Variants in SLCO3A1 observed in about 807,000 individuals in gnomAD.
SLCO3A1 encodes the protein PGE1 transporter.
Under a neutral mutation model 63.1 loss-of-function variants are expected in SLCO3A1, and 27 were observed. The ratio of observed to expected loss-of-function variants is 0.43; its 90% confidence interval spans 0.32 to 0.59. The LOEUF (loss-of-function observed/expected upper bound fraction) is 0.59. Ranked by LOEUF, SLCO3A1 falls within the 20% of genes least tolerant of loss-of-function variation. The pLI is 0.09. For missense variants in SLCO3A1, 773 were observed against 945.8 expected (o/e 0.82, Z 2.40); for synonymous variants, 473 against 409.9 (o/e 1.15, Z -1.86).
Position 92,126,242 on chromosome 15 carries a change from T to C in SLCO3A1, c.1356T>C (p.Thr452=). Residue 452 remains threonine, a synonymous_variant, in exon 6 of 10, where the codon ACT becomes ACC. Coordinates refer to ENST00000318445, the MANE Select transcript of SLCO3A1 (RefSeq NM_013272.4). ...GCDTGPVAGV[T]VPYGNSTAPG... ...ACACTGGCCCTGTGGCTGGGGTTAC[T>C]GTTCCCTATGGAAACAGGTGAGTAC... The C allele has an allele frequency of 3.7e-6, 6 of 1,614,048 alleles. No homozygotes were observed. The highest frequency in any genetic ancestry group is 5.1e-6 in the Non-Finnish European group (6 of 1,179,964).
chr15:92,001,668 T>C (rs546557877), intron 2 of SLCO3A1, among the ~76,000 whole-genome samples: 10 of 152,298 alleles, frequency 6.6e-5, no homozygotes, highest in East Asian at 5.8e-4. Flanking sequence ...ATGTGCTGTT[T>C]ATCAACACAG....
intron 7 of SLCO3A1, among the ~76,000 whole-genome samples, chr15:92,139,702 C>T (rs1263851750): frequency 2.0e-5 from 3 of 152,146 alleles, no homozygotes; most frequent in Admixed American, 6.5e-5. Flanking sequence ...GGTTTAGTCT[C>T]AGGAGAGTGT....
In SLCO3A1 at chr15:92,150,827, CACTATT is replaced by C. The variant is rs2048295391; in HGVS notation, c.1689-121_1689-116del. ...ACACTATTAGTAATTTTAAAAAAGA[CACTATT>C]AGTAATTTTCTAAAGAAGAGCTCTG... is the stretch of plus-strand genomic sequence containing the variant. On this transcript the variant is annotated intron_variant, in intron 8 of 9. Transcript: ENST00000318445. 4 of 566,868 alleles carry C rather than the reference CACTATT, an allele frequency of 7.1e-6. No individual in the cohort carries two copies. In the East Asian group the frequency reaches 1.2e-4, roughly 17 times the overall value. 35.1% of individuals were successfully genotyped at this position (566,868 alleles called of 1,614,324 possible).
At chr15:91,958,350 A>G (rs1900315209) in intron 2 of SLCO3A1, among the ~76,000 whole-genome samples, 1 of 152,124 alleles carries the variant, frequency 6.6e-6, no homozygotes, top group African/African-American at 2.4e-5. Context: ...GTATTCATCT[A>G]CCATGTGTCT....
At chr15:91,990,785 A>G (rs1204817030) in intron 2 of SLCO3A1, among the ~76,000 whole-genome samples, 2 of 152,160 alleles carry the variant, frequency 1.3e-5, no homozygotes, top group Non-Finnish European at 2.9e-5. Flanking sequence ...GCCCCCTGCC[A>G]TCCCCCATTC....
intron 2 of SLCO3A1, among the ~76,000 whole-genome samples, chr15:92,081,711 A>G (rs2047348716): frequency 6.6e-6 from 1 of 152,216 alleles, no homozygotes; most frequent in South Asian, 2.1e-4. Flanking sequence ...CAAGGGCAGC[A>G]AGGGCAGAGG....
In SLCO3A1 at chr15:92,104,173, T is replaced by G. The variant is rs992711610; in HGVS notation, c.746-106T>G. Reference sequence around the variant, plus strand: ...AGCCAGTGTTCCCGACCGCAAGTCATTTCTAGAGCCCTTGCCCTCTCTGTT... The same window carrying G: ...AGCCAGTGTTCCCGACCGCAAGTCAGTTCTAGAGCCCTTGCCCTCTCTGTT... On this transcript the variant is annotated intron_variant, in intron 3 of 9. Coordinates refer to ENST00000318445, the MANE Select transcript of SLCO3A1 (RefSeq NM_013272.4). 3.8e-5 allele frequency: 51 copies of G among 1,337,938 alleles called. No individual in the cohort carries two copies. The East Asian group carries it at 1.2e-3, about 30-fold the overall frequency. 82.9% of individuals were successfully genotyped at this position (1,337,938 alleles called of 1,614,324 possible).
At chr15:92,051,168 A>G (rs553740884) in intron 2 of SLCO3A1, among the ~76,000 whole-genome samples, 4 of 152,376 alleles carry the variant, frequency 2.6e-5, no homozygotes, top group African/African-American at 9.6e-5. Flanking sequence ...GGCATATAGT[A>G]TGCTCAGGGT....
intron 2 of SLCO3A1, among the ~76,000 whole-genome samples, chr15:92,018,637 CAGG>C (rs569113367): frequency 4.3e-4 from 65 of 152,310 alleles, no homozygotes; most frequent in African/African-American, 1.5e-3. Flanking sequence ...TGTGGTAATC[CAGG>C]AGAAGTGAGG....
At chr15:91,969,637 A>G (rs1900786259) in intron 2 of SLCO3A1, among the ~76,000 whole-genome samples, 2 of 152,154 alleles carry the variant, frequency 1.3e-5, no homozygotes, top group African/African-American at 4.8e-5. Flanking sequence ...TCTTTCTATC[A>G]AAAACATTAC....
chr15:91,939,805 G>A (rs957538090), intron 2 of SLCO3A1, among the ~76,000 whole-genome samples: 7 of 152,122 alleles, frequency 4.6e-5, no homozygotes, highest in Admixed American at 3.9e-4. Flanking sequence ...AGCAGCCCCC[G>A]TAGCTCACAG....
intron 2 of SLCO3A1, among the ~76,000 whole-genome samples, chr15:92,056,997 A>G (rs753985743): frequency 3.3e-5 from 5 of 152,264 alleles, no homozygotes; most frequent in Non-Finnish European, 7.3e-5. Flanking sequence ...CAGAAAATAC[A>G]TTCCCAAACA....
intron 2 of SLCO3A1, among the ~76,000 whole-genome samples, chr15:91,930,254 T>G (rs1206594125): frequency 1.3e-5 from 2 of 152,124 alleles, no homozygotes; most frequent in Non-Finnish European, 2.9e-5. Flanking sequence ...ACAGGTCAGC[T>G]CTCAGCACCT....
chr15:91,918,092 G>GGCT (rs1341762772), intron 2 of SLCO3A1, among the ~76,000 whole-genome samples: 2 of 152,212 alleles, frequency 1.3e-5, no homozygotes, highest in Non-Finnish European at 2.9e-5. Flanking sequence ...ACCCTCTTCT[G>GGCT]GAAGTGTCTC....
At chr15:92,055,963 C>T (rs1451273467) in intron 2 of SLCO3A1, among the ~76,000 whole-genome samples, 4 of 152,126 alleles carry the variant, frequency 2.6e-5, no homozygotes, top group Non-Finnish European at 5.9e-5. Context: ...TGGTTAACTT[C>T]ACTCTGTAAT....
At chr15:91,984,920 C>G (rs1567051774) in intron 2 of SLCO3A1, among the ~76,000 whole-genome samples, 1 of 151,944 alleles carries the variant, frequency 6.6e-6, no homozygotes, top group Non-Finnish European at 1.5e-5. Context: ...TCAACTCACA[C>G]TTTTTTTTGC....
At chr15:92,023,676 C>T (rs2046537192) in intron 2 of SLCO3A1, among the ~76,000 whole-genome samples, 1 of 152,096 alleles carries the variant, frequency 6.6e-6, no homozygotes, top group Admixed American at 6.5e-5. Flanking sequence ...ACTTTGTTGC[C>T]CAGGCTGATC....
intron 1 of SLCO3A1, among the ~76,000 whole-genome samples, chr15:91,864,313 C>G (rs901119631): frequency 8.5e-5 from 13 of 152,156 alleles, no homozygotes; most frequent in African/African-American, 3.1e-4. Context: ...TGCAGCCCCA[C>G]CCTCCGGAGC....
intron 1 of SLCO3A1, among the ~76,000 whole-genome samples, chr15:91,880,197 C>CTATCTATCT (rs1753177439): frequency 1.3e-5 from 2 of 151,046 alleles, no homozygotes; most frequent in East Asian, 1.9e-4. Flanking sequence ...ATCTATCTAT[C>CTATCTATCT]ATCCTGAGAT....
Sources: allele counts gnomAD v4.1 joint callset (sites outside exome capture counted in the v4.1 genomes callset), GRCh38; gene constraint gnomAD v4.1.1; transcripts MANE v1.5; gene names NCBI Gene and HGNC (gene_info 2026-07-23, HGNC 2026-07-21).